The following SMYD3 variants were observed in gnomAD, a reference collection of about 807,000 sequenced individuals.
The protein encoded by SMYD3 is SET and MYND domain containing 3.
Under a neutral mutation model 57.7 loss-of-function variants are expected in SMYD3, and 36 were observed. The ratio of observed to expected loss-of-function variants is 0.62; its 90% confidence interval spans 0.48 to 0.82. The LOEUF is 0.82. SMYD3 is among the 40% of genes least tolerant of loss of function. SMYD3 has a pLI of 0.00. For synonymous variants in SMYD3, 211 were observed against 195.0 expected (o/e 1.08, Z -0.68); for missense variants, 515 against 538.8 (o/e 0.96, Z 0.44).
At chr1:245,867,602 C>T (rs534461755) in intron 8 of SMYD3, among the ~76,000 whole-genome samples, 3 of 152,076 alleles carry the variant, frequency 2.0e-5, no homozygotes, top group African/African-American at 4.8e-5. Context: ...GGTGTTCATA[C>T]TGAAGAGGCA....
intron 5 of SMYD3, among the ~76,000 whole-genome samples, chr1:246,322,897 A>C (rs923655903): frequency 6.6e-6 from 1 of 152,154 alleles, no homozygotes; most frequent in African/African-American, 2.4e-5. Context: ...TCTTATTCTA[A>C]CTCTACTGTA....
intron 5 of SMYD3, among the ~76,000 whole-genome samples, chr1:246,192,425 A>T (rs943402051): frequency 1.3e-5 from 2 of 152,174 alleles, no homozygotes; most frequent in East Asian, 1.9e-4. Flanking sequence ...GCTCATTTTT[A>T]ATTTTTCTTT....
At chr1:246,346,007 G>A (rs7524077) in intron 2 of SMYD3, among the ~76,000 whole-genome samples, 83,363 of 152,020 alleles carry the variant, frequency 0.55, 23,698 homozygotes, top group Middle Eastern at 0.71. Context: ...AGAACTGGCC[G>A]GGCACAGTGG....
At chr1:245,813,943 T>C (rs2048642652) in intron 10 of SMYD3, among the ~76,000 whole-genome samples, 2 of 151,152 alleles carry the variant, frequency 1.3e-5, no homozygotes, top group African/African-American at 2.4e-5. Flanking sequence ...AAAATATTCA[T>C]TGTAGTTGCT....
At chr1:245,988,496 A>G (rs990074381) in intron 5 of SMYD3, 1 of 152,244 alleles carries the variant, frequency 6.6e-6, no homozygotes, top group African/African-American at 2.4e-5. Context: ...GCCCACTTGA[A>G]ATGTAACCAT....
At chr1:246,261,044 TGTTGTTG>T (rs781275683) in intron 5 of SMYD3, among the ~76,000 whole-genome samples, 2 of 150,768 alleles carry the variant, frequency 1.3e-5, no homozygotes, top group Non-Finnish European at 3.0e-5. Context: ...TTCTGGGTTT[TGTTGTTG>T]TTGTTGTTGT....
chr1:245,878,752 C>A (rs755361628), intron 8 of SMYD3, among the ~76,000 whole-genome samples: 2 of 152,204 alleles, frequency 1.3e-5, no homozygotes, highest in African/African-American at 2.4e-5. Flanking sequence ...ACTTTCACAG[C>A]CCCATTGCAT....
chr1:245,841,221 C>T (rs1460067081), intron 10 of SMYD3, among the ~76,000 whole-genome samples: 16 of 152,162 alleles, frequency 1.1e-4, no homozygotes, highest in Admixed American at 3.3e-4. Flanking sequence ...ATTTAATACT[C>T]ACAATGGGAT....
chr1:246,410,148 T>C (rs12077913), intron 1 of SMYD3, among the ~76,000 whole-genome samples: 7,481 of 152,260 alleles, frequency 0.049, 642 homozygotes, highest in African/African-American at 0.17. Context: ...TTTTCCTAAT[T>C]GAATGCCCTT....
At chr1:246,391,581 C>T (rs1406455469) in intron 1 of SMYD3, among the ~76,000 whole-genome samples, 1 of 151,604 alleles carries the variant, frequency 6.6e-6, no homozygotes, top group African/African-American at 2.4e-5. Context: ...CAAACAAGTT[C>T]AAAAGAAAAC....
At position 246,215,323 on chromosome 1, in the gene SMYD3, T is replaced by A. The variant is rs532896226; in HGVS notation, c.531+111878A>T. Among the ~76,000 whole-genome samples the A allele has an allele frequency of 1.2e-4, 18 of 152,216 alleles. No homozygotes were observed. The South Asian group carries it at 3.7e-3, about 32-fold the overall frequency. The stretch of plus-strand genomic sequence containing the variant: ...AAAATCCTACTGAGCTGCTGTGAAG[T>A]CAGTGACAAAGAAAAACACACACAC... On this transcript the variant is annotated intron_variant, in intron 5 of 11. Transcript: ENST00000490107.
intron 1 of SMYD3, among the ~76,000 whole-genome samples, chr1:246,381,991 G>A (rs918422199): frequency 6.7e-6 from 1 of 149,172 alleles, no homozygotes; most frequent in Non-Finnish European, 1.5e-5. Flanking sequence ...CAGGCCAACC[G>A]CGGGCTCCAG....
rs560563691 is a variant in SMYD3, at chr1:246,410,512, G to C, written c.165-55418C>G. ...ATGTTGAACCAGCCTTGCATCCCAG[G>C]GATGAAGCCCACTTGATCATGGTAG... On this transcript the variant is annotated intron_variant, in intron 1 of 11. Coordinates refer to ENST00000490107, the MANE Select transcript of SMYD3 (RefSeq NM_001167740.2). Among the ~76,000 whole-genome samples, 13 of 152,282 alleles carry C rather than the reference G, an allele frequency of 8.5e-5. No individual in the cohort carries two copies. The South Asian group carries it at 2.7e-3, about 32-fold the overall frequency.
intron 5 of SMYD3, among the ~76,000 whole-genome samples, chr1:246,288,043 G>C (rs1024805452): frequency 2.3e-5 from 3 of 130,556 alleles, no homozygotes; most frequent in Non-Finnish European, 3.2e-5. Context: ...GCAAGTTTTT[G>C]AAATGCCATC....
intron 5 of SMYD3, among the ~76,000 whole-genome samples, chr1:246,053,914 A>C (rs2060105079): frequency 6.6e-6 from 1 of 152,182 alleles, no homozygotes; most frequent in South Asian, 2.1e-4. Context: ...ATAAAAGTAA[A>C]AATTGATCAA....
chr1:246,457,540 AAAAAAAAAGAAAAGAAAAGAAAAG>A (rs1354477037), intron 1 of SMYD3, among the ~76,000 whole-genome samples: 4 of 146,374 alleles, frequency 2.7e-5, no homozygotes, highest in Admixed American at 6.8e-5. Context: ...CTCAAAAAAA[AAAAAAAAAGAAAAGAAAAGAAAAG>A]AAAAGAAAAG....
At chr1:246,437,268 T>TA (rs1424609796) in intron 1 of SMYD3, among the ~76,000 whole-genome samples, 1 of 152,176 alleles carries the variant, frequency 6.6e-6, no homozygotes, top group African/African-American at 2.4e-5. Flanking sequence ...GAGCACCTGG[T>TA]AGAGTTTTTG....
chr1:246,216,581 T>C (rs1432015230), intron 5 of SMYD3, among the ~76,000 whole-genome samples: 1 of 152,158 alleles, frequency 6.6e-6, no homozygotes, highest in African/African-American at 2.4e-5. Context: ...GTCTTTGTTT[T>C]TAGAATGCTA....
chr1:245,864,991 A>G (rs140033691), intron 8 of SMYD3, among the ~76,000 whole-genome samples: 1 of 152,242 alleles, frequency 6.6e-6, no homozygotes. Flanking sequence ...CCTCCTATTC[A>G]GTAAGCAGGT....
Sources: gnomAD v4.1 joint callset for allele counts (sites outside exome capture counted in the v4.1 genomes callset) on GRCh38, gnomAD v4.1.1 for gene constraint, MANE v1.5 for transcripts, NCBI Gene and HGNC (gene_info 2026-07-23, HGNC 2026-07-21) for gene names.